Variants in POF1B observed in about 807,000 individuals in gnomAD.
The protein encoded by POF1B is protein POF1B.
A neutral mutation model predicts 55.3 loss-of-function variants in POF1B; 53 were observed. The observed-to-expected ratio is 0.96, with a 90% CI of 0.77 to 1.20. POF1B has a LOEUF of 1.20. POF1B is among the 50% of genes most tolerant of loss of function. POF1B has a pLI of 0.00. For synonymous variants in POF1B, 188 were observed against 148.3 expected, an observed-to-expected ratio of 1.27 and a Z score of -1.95; for missense variants, 478 against 420.5, an observed-to-expected ratio of 1.14 and a Z score of -1.20.
intron 16 of POF1B, among the ~76,000 whole-genome samples, chrX:85,280,884 C>T (rs12014113): frequency 0.21 from 23,639 of 110,066 alleles, 2,427 homozygotes; most frequent in African/African-American, 0.4. Flanking sequence ...CTCAACACTA[C>T]TTATTAGGGG....
intron 15 of POF1B, among the ~76,000 whole-genome samples, chrX:85,300,778 A>G (rs1166846621): frequency 8.9e-6 from 1 of 112,140 alleles, no homozygotes; most frequent in Non-Finnish European, 1.9e-5. Context: ...TCAAAGAACT[A>G]AAGAACTAAA....
intron 6 of POF1B, among the ~76,000 whole-genome samples, chrX:85,341,770 A>T (rs1933177995): frequency 9.0e-6 from 1 of 111,123 alleles, no homozygotes; most frequent in Non-Finnish European, 1.9e-5. Context: ...ATGTTAAATA[A>T]ACATTATAGT....
At chrX:85,369,161 C>G (rs995605967) in intron 2 of POF1B, among the ~76,000 whole-genome samples, 1 of 111,826 alleles carries the variant, frequency 8.9e-6, no homozygotes, top group African/African-American at 3.2e-5. Flanking sequence ...TTCTAGGAAT[C>G]TTTTGCATAT....
intron 15 of POF1B, among the ~76,000 whole-genome samples, chrX:85,296,817 A>G (rs1037894245): frequency 8.9e-6 from 1 of 112,120 alleles, no homozygotes; most frequent in East Asian, 2.8e-4. Flanking sequence ...TTCATGGACC[A>G]TATCCTCAAA....
intron 7 of POF1B, among the ~76,000 whole-genome samples, chrX:85,321,483 A>G (rs1477731778): frequency 2.0e-4 from 22 of 109,318 alleles, no homozygotes; most frequent in Admixed American, 1.1e-3. Context: ...CACAGCCAAT[A>G]TCATACTGAA....
intron 5 of POF1B, 91 bp from the exon 6 acceptor site, chrX:85,346,133 T>G (rs997445434): frequency 7.1e-6 from 5 of 700,944 alleles, no homozygotes; most frequent in African/African-American, 4.6e-5. Flanking sequence ...AAACTTAATG[T>G]TTTCTTTCAC....
chrX:85,320,875 T>G (rs2147916651), intron 7 of POF1B, among the ~76,000 whole-genome samples: 1 of 110,115 alleles, frequency 9.1e-6, no homozygotes, highest in East Asian at 2.9e-4. Context: ...ACATACACTC[T>G]CCCAAGACTA....
intron 6 of POF1B, among the ~76,000 whole-genome samples, chrX:85,338,608 T>G (rs1309833667): frequency 9.0e-6 from 1 of 111,646 alleles, no homozygotes; most frequent in Non-Finnish European, 1.9e-5. Flanking sequence ...TTTGCAAACC[T>G]TTTTCTCATA....
intron 16 of POF1B, among the ~76,000 whole-genome samples, chrX:85,281,719 CTAATATATA>C (rs938060037): frequency 9.6e-6 from 1 of 103,718 alleles, no homozygotes; most frequent in Non-Finnish European, 1.9e-5. Context: ...TTTCTAAATC[CTAATATATA>C]TAATATATAT....
rs983675341 is a variant in POF1B at position 85,304,487 on chromosome X, G to T, written c.1438-16C>A. The T allele has an allele frequency of 2.1e-5, 21 of 996,937 alleles. No homozygotes were observed. The highest frequency in any genetic ancestry group is 3.3e-5 in the Admixed American group (1 of 30,180). The allele number at this position is 996,937 out of a possible 1,213,427, so 82.2% of individuals were successfully genotyped here. On this transcript the variant is annotated splice_polypyrimidine_tract_variant and intron_variant, in intron 13 of 16. Coordinates refer to ENST00000262753, the MANE Select transcript of POF1B (RefSeq NM_024921.4). The stretch of plus-strand genomic sequence containing the variant: ...TTAATTGGGACTAAGGATTTAAAAA[G>T]AAATAAATATTATTATAATCTTCAT...
chrX:85,359,717 G>A, intron 3 of POF1B, 87 bp from the exon 4 acceptor site: 1 of 612,138 alleles, frequency 1.6e-6, no homozygotes, highest in Non-Finnish European at 2.5e-6. Context: ...AATTTCCAGG[G>A]TTAAATTTTT....
Position 85,282,240 on chromosome X carries a change from G to C in POF1B, c.1727C>G (p.Thr576Ser), listed in dbSNP as rs1569276740. 1 of 1,189,914 alleles carries C rather than the reference G, an allele frequency of 8.4e-7. No individual in the cohort carries two copies. The highest frequency in any genetic ancestry group is 1.8e-5 in the African/African-American group (1 of 56,784). Residue 576 changes from threonine to serine, a missense_variant, in exon 16 of 17, where the codon ACT becomes AGT. Thr to Ser is a moderately conservative substitution (Grantham distance 58). Coordinates refer to ENST00000262753, the MANE Select transcript of POF1B (RefSeq NM_024921.4). ...GTCTTCTGTTTTCTCAATCACAATA[G>C]TCTGTGTTTCACTACCTGGTGGTAT... ...EYIPPGSETQ[T>S]IVIEKTEDKY...
At chrX:85,312,818 T>C (rs1406678532) in intron 9 of POF1B, among the ~76,000 whole-genome samples, 2 of 111,788 alleles carry the variant, frequency 1.8e-5, no homozygotes, top group African/African-American at 6.5e-5. Flanking sequence ...AATGGAATGT[T>C]TTTCCATTTG....
chrX:85,331,805 T>C (rs139288095), intron 6 of POF1B, among the ~76,000 whole-genome samples: 1,408 of 111,366 alleles, frequency 0.013, 11 homozygotes, highest in Admixed American at 0.037. Flanking sequence ...CATCAATATA[T>C]TTATATATTT....
chrX:85,324,248 G>C (rs1373653746), intron 7 of POF1B, among the ~76,000 whole-genome samples: 1 of 111,473 alleles, frequency 9.0e-6, no homozygotes, highest in Non-Finnish European at 1.9e-5. Flanking sequence ...GTCAAGTGTT[G>C]ATTTAAGGTT....
chrX:85,308,118 T>A lies in POF1B; in HGVS notation c.1050+6A>T, dbSNP rs1056108398. 1.0e-5 allele frequency: 12 copies of A among 1,149,274 alleles called. No homozygotes were observed. The highest frequency in any genetic ancestry group is 2.4e-4 in the Middle Eastern group (1 of 4,164). The allele number at this position is 1,149,274 out of a possible 1,213,427, so 94.7% of individuals were successfully genotyped here. ...AGGCTTTGGAAAAAATCAAAATAAA[T>A]CTTACTGTCATATCATTTTGAAGAT... On this transcript the variant is annotated splice_donor_region_variant and intron_variant, in intron 10 of 16. Coordinates refer to ENST00000262753, the MANE Select transcript of POF1B (RefSeq NM_024921.4).
chrX:85,284,564 C>G (rs1221313634), intron 15 of POF1B, among the ~76,000 whole-genome samples: 1 of 111,673 alleles, frequency 9.0e-6, no homozygotes, highest in African/African-American at 3.3e-5. Flanking sequence ...GAAAGGATTC[C>G]CTTTTTAATA....
At chrX:85,315,568 C>T (rs1239233075) in intron 8 of POF1B, 139 bp downstream of exon 8, 1 of 379,172 alleles carries the variant, frequency 2.6e-6, no homozygotes, top group South Asian at 1.3e-4. Flanking sequence ...ATTTTAAAGG[C>T]AAAATGGCCA....
rs1419911193 is a variant in POF1B at position 85,280,657 on chromosome X, A to C, written c.1765-1231T>G. Among the ~76,000 whole-genome samples the C allele has an allele frequency of 2.7e-5, 3 of 111,202 alleles. No homozygotes were observed. In the Admixed American group the frequency reaches 2.9e-4, roughly 11 times the overall value. On this transcript the variant is annotated intron_variant, in intron 16 of 16. Transcript: ENST00000262753. The stretch of plus-strand genomic sequence containing the variant: ...TTGACAGGTAGATAATTTTATCATA[A>C]GAAGTCAAAGGCTGTCATTTTCACA...
Sources: gnomAD v4.1 joint callset for allele counts (sites outside exome capture counted in the v4.1 genomes callset) on GRCh38, gnomAD v4.1.1 for gene constraint, MANE v1.5 for transcripts, NCBI Gene and HGNC (gene_info 2026-07-23, HGNC 2026-07-21) for gene names.